The following RANBP17 variants were observed in gnomAD, a reference collection of about 807,000 sequenced individuals.
RANBP17 encodes RAN binding protein 17, also known as ran-binding protein 17.
In RANBP17, 158 loss-of-function variants were observed where a neutral mutation model predicts 141.2. The ratio of observed to expected loss-of-function variants is 1.12; its 90% confidence interval spans 0.98 to 1.28. The LOEUF (loss-of-function observed/expected upper bound fraction) is 1.28, where lower values mean the gene tolerates loss of function less well. RANBP17 is among the 50% of genes most tolerant of loss of function. RANBP17 has a pLI of 0.00. For missense variants in RANBP17, 1,438 were observed against 1,290.7 expected, an observed-to-expected ratio of 1.11 and a Z score of -1.75; for synonymous variants, 430 against 450.0, an observed-to-expected ratio of 0.96 and a Z score of 0.56.
intron 14 of RANBP17, among the ~76,000 whole-genome samples, chr5:171,026,217 C>CTGTT (rs1472931716): frequency 6.6e-6 from 1 of 152,182 alleles, no homozygotes. Context: ...CATGTGCTTG[C>CTGTT]TGTTCACTAG....
chr5:171,156,398 G>A (rs1186986091), intron 14 of RANBP17, among the ~76,000 whole-genome samples: 3 of 152,120 alleles, frequency 2.0e-5, no homozygotes, highest in African/African-American at 7.2e-5. Flanking sequence ...CCATTTTGAT[G>A]TGTGAAATAA....
At chr5:171,069,517 G>A (rs1784510637) in intron 14 of RANBP17, among the ~76,000 whole-genome samples, 1 of 152,102 alleles carries the variant, frequency 6.6e-6, no homozygotes, top group African/African-American at 2.4e-5. Context: ...CCATTGTTGT[G>A]TCATCATTTA....
At chr5:170,939,364 TTTATTTA>T (rs1774141899) in intron 12 of RANBP17, among the ~76,000 whole-genome samples, 1 of 91,190 alleles carries the variant, frequency 1.1e-5, no homozygotes. Context: ...TTTTATTTTA[TTTATTTA>T]TTTATTTATT....
At chr5:170,872,580 C>T (rs1479858540) in intron 1 of RANBP17, among the ~76,000 whole-genome samples, 1 of 152,164 alleles carries the variant, frequency 6.6e-6, no homozygotes, top group East Asian at 1.9e-4. Flanking sequence ...GTATCCTTGT[C>T]TTGTGCCAGT....
intron 22 of RANBP17, among the ~76,000 whole-genome samples, chr5:171,233,829 T>A (rs1764358362): frequency 6.6e-6 from 1 of 152,212 alleles, no homozygotes; most frequent in African/African-American, 2.4e-5. Flanking sequence ...TCATTATACA[T>A]TTGTCCAAAC....
At chr5:171,295,483 C>A (rs1410855118) in intron 26 of RANBP17, among the ~76,000 whole-genome samples, 1 of 152,136 alleles carries the variant, frequency 6.6e-6, no homozygotes, top group Non-Finnish European at 1.5e-5. Flanking sequence ...GACCCTTGGC[C>A]TTGCCTTCAG....
intron 25 of RANBP17, among the ~76,000 whole-genome samples, chr5:171,277,975 T>C (rs1767638177): frequency 1.8e-5 from 2 of 112,092 alleles, no homozygotes; most frequent in African/African-American, 7.2e-5. Context: ...TTTTTGATTT[T>C]TTAGAACTGA....
intron 19 of RANBP17, among the ~76,000 whole-genome samples, chr5:171,202,179 A>G (rs1464712013): frequency 1.3e-5 from 2 of 152,194 alleles, no homozygotes; most frequent in African/African-American, 4.8e-5. Context: ...ACTTATTCTT[A>G]ATAAAATTGA....
At chr5:171,250,973 A>T (rs1463940651) in intron 24 of RANBP17, among the ~76,000 whole-genome samples, 1 of 152,228 alleles carries the variant, frequency 6.6e-6, no homozygotes, top group Non-Finnish European at 1.5e-5. Flanking sequence ...TGGACTTTAG[A>T]CCACATGGAA....
chr5:170,876,148 G>A (rs1444753122), intron 1 of RANBP17, among the ~76,000 whole-genome samples: 1 of 152,138 alleles, frequency 6.6e-6, no homozygotes, highest in East Asian at 1.9e-4. Flanking sequence ...TCCTCGAGGG[G>A]CACCAACCGC....
chr5:171,257,446 C>T (rs1765972473), intron 24 of RANBP17, among the ~76,000 whole-genome samples: 1 of 152,098 alleles, frequency 6.6e-6, no homozygotes, highest in Admixed American at 6.5e-5. Context: ...AACCCACAGC[C>T]AAAATCATAC....
At chr5:171,246,917 G>A (rs1281343001) in intron 24 of RANBP17, among the ~76,000 whole-genome samples, 2 of 152,158 alleles carry the variant, frequency 1.3e-5, no homozygotes, top group Non-Finnish European at 2.9e-5. Context: ...GGTACTCTAA[G>A]AGCACTCTTT....
At chr5:170,963,228 G>T (rs1776275308) in intron 13 of RANBP17, among the ~76,000 whole-genome samples, 1 of 152,146 alleles carries the variant, frequency 6.6e-6, no homozygotes, top group Non-Finnish European at 1.5e-5. Flanking sequence ...GTGAACAAAA[G>T]ATAGTCTGTA....
At chr5:170,879,607 A>G (rs1768492930) in intron 2 of RANBP17, among the ~76,000 whole-genome samples, 1 of 152,134 alleles carries the variant, frequency 6.6e-6, no homozygotes. Flanking sequence ...GCAATTTTGT[A>G]TTTTTGGTTG....
chr5:170,884,804 G>A (rs1373285552), intron 3 of RANBP17, among the ~76,000 whole-genome samples: 1 of 152,032 alleles, frequency 6.6e-6, no homozygotes, highest in African/African-American at 2.4e-5. Flanking sequence ...AAACATTTCT[G>A]CCAGATTGTC....
chr5:171,221,180 A>G (rs763928406), intron 21 of RANBP17, among the ~76,000 whole-genome samples: 37 of 152,188 alleles, frequency 2.4e-4, no homozygotes, highest in Non-Finnish European at 4.6e-4. Context: ...TAGAATTGCT[A>G]CTCATAGGTG....
chr5:171,187,227 C>T (rs912705273), intron 18 of RANBP17, among the ~76,000 whole-genome samples: 8 of 152,112 alleles, frequency 5.3e-5, no homozygotes, highest in Non-Finnish European at 1.0e-4. Context: ...GTTGGCTACC[C>T]TGTAAGGGCA....
At chr5:171,096,775 G>C (rs770570436) in intron 14 of RANBP17, among the ~76,000 whole-genome samples, 16 of 152,048 alleles carry the variant, frequency 1.1e-4, no homozygotes, top group Non-Finnish European at 1.5e-4. Flanking sequence ...AGAAGGAGCT[G>C]GTTCTTATTA....
chr5:171,279,457 A>G (rs1458462870), intron 25 of RANBP17, among the ~76,000 whole-genome samples: 1 of 152,202 alleles, frequency 6.6e-6, no homozygotes, highest in Non-Finnish European at 1.5e-5. Flanking sequence ...AAAGAGCACC[A>G]GGAGGCCAAA....
Sources: gnomAD v4.1 joint callset for allele counts (sites outside exome capture counted in the v4.1 genomes callset) on GRCh38, gnomAD v4.1.1 for gene constraint, MANE v1.5 for transcripts, NCBI Gene and HGNC (gene_info 2026-07-23, HGNC 2026-07-21) for gene names.